The following TELO2 variants were observed in gnomAD, a reference collection of about 807,000 sequenced individuals.
The protein encoded by TELO2 is telomere maintenance 2.
Under a neutral mutation model 91.0 loss-of-function variants are expected in TELO2, and 71 were observed. The observed-to-expected ratio is 0.78, with a 90% CI of 0.64 to 0.95. The LOEUF (loss-of-function observed/expected upper bound fraction) is 0.95, where lower values mean the gene tolerates loss of function less well. Ranked by LOEUF, TELO2 falls within the 40% of genes least tolerant of loss-of-function variation. The probability of loss-of-function intolerance (pLI) is 0.00; values close to 1 mark genes in which losing one functional copy is unlikely to be tolerated. For missense variants in TELO2, 1,183 were observed against 1,141.3 expected (o/e 1.04, Z -0.53); for synonymous variants, 584 against 518.9 (o/e 1.13, Z -1.71).
At chr16:1,500,524 C>T (rs775388376) in intron 8 of TELO2, 36 bp downstream of exon 8, 11 of 1,609,288 alleles carry the variant, frequency 6.8e-6, no homozygotes, top group East Asian at 6.7e-5. Context: ...CGGCCTCGGG[C>T]GCCCCGAGGT....
intron 5 of TELO2, among the ~76,000 whole-genome samples, chr16:1,498,918 G>A (rs2039582194): frequency 6.6e-6 from 1 of 152,202 alleles, no homozygotes. Flanking sequence ...AATTTTTTTG[G>A]CACTGTCAAA....
intron 18 of TELO2, 121 bp downstream of exon 18, chr16:1,507,172 G>A: frequency 1.3e-6 from 2 of 1,484,106 alleles, no homozygotes; most frequent in Non-Finnish European, 1.8e-6. Flanking sequence ...TGGGCCCCCG[G>A]GCAGCGGGAG....
rs373599131 is a variant in TELO2, at chr16:1,495,021, G to A, written c.336-325G>A. ...TCAGATCACACTGCAGTCCTTGCCG[G>A]GACACTGCATCTTGAGAAGCTGGGT... On this transcript the variant is annotated intron_variant, in intron 2 of 20. Coordinates refer to ENST00000262319, the MANE Select transcript of TELO2 (RefSeq NM_016111.4). Among the ~76,000 whole-genome samples, 71 of 152,286 alleles carry A rather than the reference G, an allele frequency of 4.7e-4. 4 individuals carry two copies. The South Asian group carries it at 0.014, about 30-fold the overall frequency.
chr16:1,504,576 G>C (rs1487887533), intron 15 of TELO2, among the ~76,000 whole-genome samples: 2 of 13,686 alleles, frequency 1.5e-4, no homozygotes, highest in Admixed American at 1.6e-3. Context: ...TTTTTTTTTT[G>C]AGACAGAGTC....
chr16:1,502,574 T>C (rs2039730006), intron 13 of TELO2, 71 bp from the exon 14 acceptor site: 2 of 1,562,934 alleles, frequency 1.3e-6, no homozygotes, highest in African/African-American at 1.4e-5. Flanking sequence ...GCTCCGGCCC[T>C]GTGAGCCTCG....
In TELO2 at chr16:1,506,299, T is replaced by C; in HGVS notation, c.2096T>C (p.Phe699Ser). The change falls in exon 17 of 21, where the codon TTC becomes TCC. Residue 699 changes from phenylalanine (F) to serine (S), a missense_variant. Transcript: ENST00000262319. ...AGATTCAACTCCGTGGCCGGCCACT[T>C]CTTCTTCCCCCTCCTTCAGCGCTTT... ...PSRFNSVAGH[F>S]FFPLLQRFDR... 1.2e-6 allele frequency: 2 copies of C among 1,613,952 alleles called. No individual in the cohort carries two copies. The highest frequency in any genetic ancestry group is 1.7e-6 in the Non-Finnish European group (2 of 1,179,940).
Position 1,502,365 on chromosome 16 carries a change from T to C in TELO2, c.1614T>C (p.Leu538=). Residue 538 remains leucine (L), a synonymous_variant, in exon 13 of 21, where the codon CTT becomes CTC. Transcript: ENST00000262319. The part of the protein sequence containing the change: ...IERWEAALRA[L]EGLVYRSPTA... Reference sequence around the variant, plus strand: ...GCTGGGAGGCAGCCCTGCGGGCCCTTGAGGGCCTGGTCTACAGGAGCCCCA... The same window carrying C: ...GCTGGGAGGCAGCCCTGCGGGCCCTCGAGGGCCTGGTCTACAGGAGCCCCA... 4 of 1,605,698 alleles carry C rather than the reference T, an allele frequency of 2.5e-6. No homozygotes were observed. The highest frequency in any genetic ancestry group is 3.4e-6 in the Non-Finnish European group (4 of 1,177,834).
In TELO2 at chr16:1,495,336, G is replaced by GT. The variant is rs1295287737; in HGVS notation, c.336-9dup. On this transcript the variant is annotated splice_polypyrimidine_tract_variant and intron_variant, in intron 2 of 20. Transcript: ENST00000262319. Reference sequence around the variant, plus strand: ...GTTGGCGGCTCTGCCCAACACGCCCGTATCTTCAGCCCCAGCTTCCGGCTG... The same window carrying GT: ...GTTGGCGGCTCTGCCCAACACGCCCGTTATCTTCAGCCCCAGCTTCCGGCTG... 2 of 1,534,912 alleles carry GT rather than the reference G, an allele frequency of 1.3e-6. No individual in the cohort carries two copies. The highest frequency in any genetic ancestry group is 1.4e-5 in the African/African-American group (1 of 72,886).
Position 1,504,127 on chromosome 16 carries a change from TAAA to T in TELO2, c.1842+1146_1842+1148del, listed in dbSNP as rs34788034. Reference sequence around the variant, plus strand: ...GCAATAGAGCAAGACTCTGTCTCTTTAAAAAAAAAAAAAAAAAAAAAAAGCAGC... The same window carrying T: ...GCAATAGAGCAAGACTCTGTCTCTTTAAAAAAAAAAAAAAAAAAAAGCAGC... On this transcript the variant is annotated intron_variant, in intron 15 of 20. Transcript: ENST00000262319. Among the ~76,000 whole-genome samples the T allele has an allele frequency of 2.2e-4, 23 of 104,868 alleles. 1 individual carries two copies. Among genetic ancestry groups the T allele is most frequent in the Admixed American group, 9.2e-4 (9 of 9,820 alleles). The allele number at this position is 104,868 out of a possible 152,430, so 68.8% of individuals were successfully genotyped here.
Position 1,501,003 on chromosome 16 carries a change from G to A in TELO2, c.1281+304G>A, listed in dbSNP as rs9938331. ...GGGGCCACCCCCTGCAGTTTGTCCG[G>A]CCGGGGCTGCAGGGCAGCCAGGTCG... On this transcript the variant is annotated intron_variant, in intron 9 of 20. Transcript: ENST00000262319. Among the ~76,000 whole-genome samples, 114 of 152,352 alleles carry A rather than the reference G, an allele frequency of 7.5e-4. 2 individuals carry two copies. The highest frequency in any genetic ancestry group is 2.3e-3 in the African/African-American group (96 of 41,582).
chr16:1,500,809 G>A, intron 9 of TELO2, 110 bp downstream of exon 9: 1 of 1,483,864 alleles, frequency 6.7e-7, no homozygotes, highest in Admixed American at 2.1e-5. Context: ...GACTTGCGGA[G>A]CGTCCGTGTG....
In TELO2 at chr16:1,501,967, GGA is replaced by G. The variant is rs1327956173; in HGVS notation, c.1473-74_1473-73del. ...AGGCGTGAGCTCCGCATCTTGGGGA[GGA>G]GAGAGGGGCTGGCTCTGCCGTTGGG... On this transcript the variant is annotated intron_variant, in intron 11 of 20. Coordinates refer to ENST00000262319, the MANE Select transcript of TELO2 (RefSeq NM_016111.4). 5.7e-6 allele frequency: 9 copies of G among 1,583,616 alleles called. No individual in the cohort carries two copies. The East Asian group carries it at 6.7e-5, about 12-fold the overall frequency.
chr16:1,503,007 G>A lies in TELO2; in HGVS notation c.1842+5G>A, dbSNP rs758551997. 6.2e-6 allele frequency: 10 copies of A among 1,609,488 alleles called. No homozygotes were observed. Among genetic ancestry groups the A allele is most frequent in the Admixed American group, 5.0e-5 (3 of 60,004 alleles). ...CAGCGCATGGACATCCTGGATGTAA[G>A]TGCCTCCTGGGCCTCAGTCCCCCTG... On this transcript the variant is annotated splice_donor_5th_base_variant and intron_variant, in intron 15 of 20. Coordinates refer to ENST00000262319, the MANE Select transcript of TELO2 (RefSeq NM_016111.4).
chr16:1,505,345 C>A lies in TELO2; in HGVS notation c.1843-65C>A. 2 of 1,544,164 alleles carry A rather than the reference C, an allele frequency of 1.3e-6. No homozygotes were observed. The highest frequency in any genetic ancestry group is 2.0e-4 in the Middle Eastern group (1 of 5,030). On this transcript the variant is annotated intron_variant, in intron 15 of 20. Coordinates refer to ENST00000262319, the MANE Select transcript of TELO2 (RefSeq NM_016111.4). The surrounding 1 kb of genome is among the most constrained non-coding windows in gnomAD (Gnocchi z 4.3). The stretch of plus-strand genomic sequence containing the variant: ...GGCCCGTTTCTGGGGCTTTGGCTGA[C>A]TTGACTCTTGGGAAATGTTCTTCCC...
At chr16:1,500,720 G>C in intron 9 of TELO2, 21 bp downstream of exon 9, 1 of 1,610,446 alleles carries the variant, frequency 6.2e-7, no homozygotes, top group East Asian at 2.2e-5. Flanking sequence ...CGTCCCCTCC[G>C]CGTCCCCGTG....
At position 1,495,329 on chromosome 16, in the gene TELO2, C is replaced by A; in HGVS notation, c.336-17C>A. The A allele has an allele frequency of 6.5e-7, 1 of 1,527,302 alleles. No homozygotes were observed. The highest frequency in any genetic ancestry group is 8.8e-7 in the Non-Finnish European group (1 of 1,130,978). The allele number at this position is 1,527,302 out of a possible 1,614,324, so 94.6% of individuals were successfully genotyped here. A position where few individuals can be genotyped will look rare whatever the true frequency, so the allele number is the denominator to read the frequency against. Reference sequence around the variant, plus strand: ...GATGGGGGTTGGCGGCTCTGCCCAACACGCCCGTATCTTCAGCCCCAGCTT... The same window carrying A: ...GATGGGGGTTGGCGGCTCTGCCCAAAACGCCCGTATCTTCAGCCCCAGCTT... On this transcript the variant is annotated splice_polypyrimidine_tract_variant and intron_variant, in intron 2 of 20. Transcript: ENST00000262319.
Position 1,497,997 on chromosome 16 carries a change from A to G in TELO2, c.830+489A>G, listed in dbSNP as rs2039553639. On this transcript the variant is annotated intron_variant, in intron 5 of 20. Transcript: ENST00000262319. This position sits in a 1 kb window ranked among gnomAD's most constrained non-coding sequence, Gnocchi z 4.0. ...TGCAAGGACATACCTGTCTCTGCCC[A>G]AAGTATTTCCTCCTCTTTTTTTTTT... is the stretch of plus-strand genomic sequence containing the variant. 6.6e-6 allele frequency among the ~76,000 whole-genome samples: 1 copy of G among 151,136 alleles called. No homozygotes were observed. The highest frequency in any genetic ancestry group is 6.6e-5 in the Admixed American group (1 of 15,178).
chr16:1,499,514 C>T (rs529570495), intron 6 of TELO2, among the ~76,000 whole-genome samples, 181 bp downstream of exon 6: 24 of 150,074 alleles, frequency 1.6e-4, no homozygotes, highest in Admixed American at 2.7e-4. Flanking sequence ...CCTGCTGTGA[C>T]GGCTCTGAGT....
intron 20 of TELO2, among the ~76,000 whole-genome samples, chr16:1,508,722 C>T (rs762517837): frequency 3.9e-5 from 6 of 152,280 alleles, no homozygotes; most frequent in South Asian, 2.1e-4. Flanking sequence ...TGGGTGTGAA[C>T]GGGTGTTTCC....
Sources: gnomAD v4.1 joint callset for allele counts (sites outside exome capture counted in the v4.1 genomes callset) on GRCh38, gnomAD v4.1.1 for gene constraint, Gnocchi (gnomAD v3.1) non-coding constraint, MANE v1.5 for transcripts, NCBI Gene and HGNC (gene_info 2026-07-23, HGNC 2026-07-21) for gene names.